VCAN: variants seen among roughly 807,000 people sequenced by gnomAD.
VCAN encodes versican.
Under a neutral mutation model 245.5 loss-of-function variants are expected in VCAN, and 44 were observed. That is an observed-to-expected ratio of 0.18 (90% CI 0.14 to 0.23). VCAN has a LOEUF of 0.23. Among genes scored for constraint, VCAN ranks in the 10% least tolerant of loss-of-function variants. VCAN has a pLI of 1.00. For missense variants in VCAN, 3,793 were observed against 4,057.9 expected (o/e 0.93, Z 1.77); for synonymous variants, 1,413 against 1,437.0 (o/e 0.98, Z 0.38).
At chr5:83,483,727 A>G in intron 2 of VCAN, 139 bp downstream of exon 2, 1 of 795,602 alleles carries the variant, frequency 1.3e-6, no homozygotes. Context: ...CAGTTAAAAT[A>G]TTATTGGACC....
chr5:83,520,232 T>C lies in VCAN; in HGVS notation c.1926T>C (p.Thr642=), dbSNP rs935833248. The change falls in exon 7 of 15, where the codon ACT becomes ACC. Residue 642 remains threonine, a synonymous_variant. Coordinates refer to ENST00000265077, the MANE Select transcript of VCAN (RefSeq NM_004385.5). ...AGTTTCTTGGCAAATATCTGTCTAC[T>C]ACACCTTTTCCATCACAGCATCGTA... ...TEEFLGKYLS[T]TPFPSQHRTE... is the part of the protein sequence containing the mutation. The C allele has an allele frequency of 1.2e-6, 2 of 1,614,058 alleles. No individual in the cohort carries two copies. Among genetic ancestry groups the C allele is most frequent in the Admixed American group, 3.3e-5 (2 of 60,024 alleles).
chr5:83,518,527 T>G (rs1286003964), intron 6 of VCAN, among the ~76,000 whole-genome samples: 2 of 152,214 alleles, frequency 1.3e-5, no homozygotes. Flanking sequence ...TACATTTGTG[T>G]TTCAGGCTAA....
intron 7 of VCAN, among the ~76,000 whole-genome samples, chr5:83,533,005 T>A (rs896086267): frequency 3.3e-5 from 5 of 152,160 alleles, no homozygotes; most frequent in Non-Finnish European, 7.4e-5. Context: ...TATATGTTAA[T>A]CTGCTTCCTT....
chr5:83,474,527 C>T (rs931682163), intron 1 of VCAN, among the ~76,000 whole-genome samples: 1 of 152,366 alleles, frequency 6.6e-6, no homozygotes, highest in African/African-American at 2.4e-5. Flanking sequence ...CACTCGCTCA[C>T]CTCGCGCCAA....
chr5:83,476,065 A>G (rs16900430), intron 1 of VCAN, among the ~76,000 whole-genome samples: 7,559 of 152,264 alleles, frequency 0.05, 609 homozygotes, highest in African/African-American at 0.17. Context: ...CTAGGAAAGG[A>G]CCTAAACAGC....
chr5:83,569,500 C>A (rs920568813), intron 12 of VCAN, among the ~76,000 whole-genome samples: 2 of 152,056 alleles, frequency 1.3e-5, no homozygotes, highest in Admixed American at 6.6e-5. Context: ...AAAGCCCTGT[C>A]CTCAATGAAT....
At chr5:83,546,518 G>A (rs1747228310) in intron 9 of VCAN, among the ~76,000 whole-genome samples, 1 of 152,002 alleles carries the variant, frequency 6.6e-6, no homozygotes, top group Non-Finnish European at 1.5e-5. Context: ...CACTTTGGGA[G>A]GGCGAGGTGG....
In VCAN at chr5:83,582,300, A is replaced by G. The variant is rs1352889191; in HGVS notation, c.*1866A>G. ...AGAAACCTAAAATCCTTCTTTTACT[A>G]CACTGTGACTGGTCTGGTTATTTAC... On this transcript the variant is annotated 3_prime_UTR_variant, in exon 15 of 15. Transcript: ENST00000265077. The G allele has an allele frequency of 6.6e-6, 1 of 152,142 alleles. No individual in the cohort carries two copies. Among genetic ancestry groups the G allele is most frequent in the Non-Finnish European group, 1.5e-5 (1 of 68,022 alleles). 9.4% of individuals were successfully genotyped at this position (152,142 alleles called of 1,614,324 possible).
At chr5:83,535,356 T>A (rs1222945307) in intron 7 of VCAN, among the ~76,000 whole-genome samples, 1 of 152,078 alleles carries the variant, frequency 6.6e-6, no homozygotes, top group African/African-American at 2.4e-5. Context: ...AGTATTTTAG[T>A]GAAATAATTT....
At chr5:83,563,888 C>A (rs750847842) in intron 12 of VCAN, among the ~76,000 whole-genome samples, 4 of 152,142 alleles carry the variant, frequency 2.6e-5, no homozygotes, top group Non-Finnish European at 5.9e-5. Flanking sequence ...TATGATCTGA[C>A]CTCTCCTAAG....
chr5:83,540,867 A>G lies in VCAN; in HGVS notation c.7864A>G (p.Ile2622Val). 6.2e-7 allele frequency: 1 copy of G among 1,613,984 alleles called. No individual in the cohort carries two copies. The highest frequency in any genetic ancestry group is 8.5e-7 in the Non-Finnish European group (1 of 1,179,966). Residue 2622 changes from isoleucine (I) to valine (V), a missense_variant, in exon 8 of 15, where the codon ATC (isoleucine) becomes GTC (valine). Around this residue, in one of 5 missense-constraint regions of VCAN, gnomAD observed 3,182 missense variants for 3,250.3 expected, o/e 0.98. Transcript: ENST00000265077. ...SNDDSTQVQEIYEAAVNLSLT... is the reference protein window; with the variant it reads ...SNDDSTQVQEVYEAAVNLSLT... ...TGATGACAGCACTCAAGTTCAAGAGATCTATGAGGCAGCTGTCAACCTTTC... is the reference window on the plus strand; with the variant it reads ...TGATGACAGCACTCAAGTTCAAGAGGTCTATGAGGCAGCTGTCAACCTTTC...
chr5:83,478,939 G>A (rs1744494236), intron 1 of VCAN, among the ~76,000 whole-genome samples: 2 of 152,264 alleles, frequency 1.3e-5, no homozygotes, highest in Admixed American at 6.5e-5. Flanking sequence ...AGTACAGTAT[G>A]TCTTAGGTAG....
intron 3 of VCAN, among the ~76,000 whole-genome samples, chr5:83,493,011 G>A (rs1442549273): frequency 6.6e-6 from 1 of 152,212 alleles, no homozygotes; most frequent in African/African-American, 2.4e-5. Flanking sequence ...AAATAGTCCA[G>A]TGTCTTTTCC....
rs561730515 is a variant in VCAN at position 83,493,900 on chromosome 5, C to T, written c.717C>T (p.Tyr239=). The part of the protein sequence containing the change: ...TYGFRSPQET[Y]DVYCYVDHLD... ...GATTCCGTTCTCCCCAGGAAACTTA[C>T]GATGTGTATTGTTATGTGGATCATC... The change falls in exon 5 of 15, where the codon TAC becomes TAT. Residue 239 remains tyrosine (Y), a synonymous_variant. Transcript: ENST00000265077. 49 of 1,613,990 alleles carry T rather than the reference C, an allele frequency of 3.0e-5. No homozygotes were observed. The Admixed American group carries it at 4.8e-4, about 16-fold the overall frequency.
chr5:83,504,615 C>T (rs566124859), intron 5 of VCAN, among the ~76,000 whole-genome samples: 70 of 152,266 alleles, frequency 4.6e-4, no homozygotes, highest in African/African-American at 1.6e-3. Context: ...CTCCTGACCT[C>T]AGATGATCCA....
chr5:83,502,056 C>T (rs1336630961), intron 5 of VCAN, among the ~76,000 whole-genome samples: 1 of 152,070 alleles, frequency 6.6e-6, no homozygotes, highest in Middle Eastern at 3.2e-3. Context: ...GATGCAAATG[C>T]AAATGTAATT....
At position 83,538,282 on chromosome 5, in the gene VCAN, A is replaced by T. The variant is rs1429867466; in HGVS notation, c.5279A>T (p.Asn1760Ile). The change falls in exon 8 of 15, where the codon AAT becomes ATT. Residue 1760 changes from asparagine (N) to isoleucine (I), a missense_variant. Asn to Ile is a moderately radical substitution (Grantham distance 149, BLOSUM62 -3). This residue lies in a region of VCAN where 3,182 missense variants were observed against 3,250.3 expected (regional missense o/e 0.98). Coordinates refer to ENST00000265077, the MANE Select transcript of VCAN (RefSeq NM_004385.5). Reference protein sequence around the residue: ...LILPFELESPNVATSSDSGTR... With the variant: ...LILPFELESPIVATSSDSGTR... ...TTACCCTTTGAATTAGAAAGTCCAAATGTAGCTACATCTAGTGATTCAGGT... is the reference window on the plus strand; with the variant it reads ...TTACCCTTTGAATTAGAAAGTCCAATTGTAGCTACATCTAGTGATTCAGGT... The T allele has an allele frequency of 6.2e-7, 1 of 1,613,958 alleles. No individual in the cohort carries two copies. Among genetic ancestry groups the T allele is most frequent in the African/African-American group, 1.3e-5 (1 of 74,922 alleles).
chr5:83,561,370 T>C (rs1747859599), intron 12 of VCAN, among the ~76,000 whole-genome samples: 1 of 149,590 alleles, frequency 6.7e-6, no homozygotes, highest in African/African-American at 2.4e-5. Flanking sequence ...TGATATAAAC[T>C]AAAAAAAAAA....
At chr5:83,500,998 C>G (rs1197380309) in intron 5 of VCAN, among the ~76,000 whole-genome samples, 1 of 152,000 alleles carries the variant, frequency 6.6e-6, no homozygotes, top group Non-Finnish European at 1.5e-5. Flanking sequence ...TTTTGTGTAG[C>G]CATCTTAATG....
Sources: gnomAD v4.1 joint callset for allele counts (sites outside exome capture counted in the v4.1 genomes callset) on GRCh38, gnomAD v4.1.1 for gene constraint, gnomAD v4.1.1 regional missense constraint, MANE v1.5 for transcripts, NCBI Gene and HGNC (gene_info 2026-07-23, HGNC 2026-07-21) for gene names.